The following PALM2AKAP2 variants were observed in gnomAD, a reference collection of about 807,000 sequenced individuals.
PALM2AKAP2 encodes the protein PALM2 and AKAP2 fusion.
Under a neutral mutation model 71.5 loss-of-function variants are expected in PALM2AKAP2, and 37 were observed. That is an observed-to-expected ratio of 0.52 (90% CI 0.40 to 0.68). The LOEUF (loss-of-function observed/expected upper bound fraction) is 0.68, where lower values mean the gene tolerates loss of function less well. PALM2AKAP2 is among the 30% of genes least tolerant of loss of function. The pLI is 0.00. For missense variants in PALM2AKAP2, 1,224 were observed against 1,191.8 expected (o/e 1.03, Z -0.40); for synonymous variants, 468 against 478.8 (o/e 0.98, Z 0.29).
At chr9:109,732,384 G>A (rs756006807) in intron 1 of PALM2AKAP2, among the ~76,000 whole-genome samples, 18 of 152,178 alleles carry the variant, frequency 1.2e-4, no homozygotes, top group East Asian at 5.8e-4. Context: ...ACATATCCAT[G>A]ACAAGGTTCC....
At chr9:109,707,521 C>T (rs2118598689) in intron 1 of PALM2AKAP2, among the ~76,000 whole-genome samples, 1 of 152,246 alleles carries the variant, frequency 6.6e-6, no homozygotes, top group African/African-American at 2.4e-5. Flanking sequence ...GTGTCCAGTG[C>T]CAGGTAGTGC....
At chr9:109,791,674 C>T (rs1212109302) in intron 1 of PALM2AKAP2, among the ~76,000 whole-genome samples, 1 of 152,154 alleles carries the variant, frequency 6.6e-6, no homozygotes, top group Non-Finnish European at 1.5e-5. Context: ...CTCAGATGTG[C>T]ACAGGTACCA....
intron 3 of PALM2AKAP2, among the ~76,000 whole-genome samples, chr9:109,919,735 A>ATG (rs1163749906): frequency 2.5e-4 from 36 of 143,060 alleles, no homozygotes; most frequent in Non-Finnish European, 3.7e-4. Context: ...GTGTATACAT[A>ATG]TGTGTGTGTG....
In PALM2AKAP2 at chr9:109,679,688, G is replaced by A. The variant is rs867014761; in HGVS notation, c.5+38822G>A. 1.1e-4 allele frequency among the ~76,000 whole-genome samples: 17 copies of A among 152,218 alleles called. 1 individual carries two copies. The South Asian group carries it at 3.5e-3, about 32-fold the overall frequency. The stretch of plus-strand genomic sequence containing the variant: ...GCTTAGTCTAGCCCCAGGTATGTGA[G>A]CTCAGGGGTATGAGCTCTCCATCAC... On this transcript the variant is annotated intron_variant, in intron 1 of 6. Transcript: ENST00000374531.
At chr9:109,697,669 A>G (rs1827992401) in intron 1 of PALM2AKAP2, among the ~76,000 whole-genome samples, 1 of 152,220 alleles carries the variant, frequency 6.6e-6, no homozygotes, top group African/African-American at 2.4e-5. Flanking sequence ...AGTACTCTAA[A>G]TGAAAAAGTA....
chr9:109,691,356 A>G (rs556649134), intron 1 of PALM2AKAP2, among the ~76,000 whole-genome samples: 2 of 151,978 alleles, frequency 1.3e-5, no homozygotes, highest in Non-Finnish European at 2.9e-5. Context: ...ACCTATGTTT[A>G]TTTACAACAT....
rs148266125 is a variant in PALM2AKAP2 at position 109,695,825 on chromosome 9, A to G, written c.5+54959A>G. 1.8e-3 allele frequency among the ~76,000 whole-genome samples: 272 copies of G among 152,292 alleles called. 1 individual carries two copies. Among genetic ancestry groups the G allele is most frequent in the African/African-American group, 6.4e-3 (264 of 41,572 alleles). On this transcript the variant is annotated intron_variant, in intron 1 of 6. Transcript: ENST00000374531. The stretch of plus-strand genomic sequence containing the variant: ...ACTCATATGTGGGAGCTAAAACCGT[A>G]GATCTCATGGAGGTAGAGAGTAGAA...
intron 3 of PALM2AKAP2, among the ~76,000 whole-genome samples, chr9:109,920,631 G>C (rs925722421): frequency 6.6e-6 from 1 of 151,802 alleles, no homozygotes; most frequent in African/African-American, 2.4e-5. Context: ...CGCCTGCCTC[G>C]GCCTCCCAAA....
intron 3 of PALM2AKAP2, among the ~76,000 whole-genome samples, chr9:109,910,017 A>T (rs954770509): frequency 4.6e-5 from 7 of 152,188 alleles, no homozygotes; most frequent in African/African-American, 1.7e-4. Flanking sequence ...GAGATTGGTT[A>T]GAAGGTTGTT....
chr9:110,079,821 C>T (rs182596628), intron 1 of PALM2AKAP2, among the ~76,000 whole-genome samples: 3 of 151,622 alleles, frequency 2.0e-5, no homozygotes, highest in Admixed American at 2.0e-4. Flanking sequence ...TGTAATCTCA[C>T]CACTTTGGGA....
intron 3 of PALM2AKAP2, among the ~76,000 whole-genome samples, chr9:109,922,110 G>A (rs1026657003): frequency 4.0e-5 from 6 of 151,896 alleles, no homozygotes; most frequent in African/African-American, 9.7e-5. Context: ...GCCAGTTCCC[G>A]AGAGCAGATT....
chr9:109,705,762 A>G (rs12686695), intron 1 of PALM2AKAP2, among the ~76,000 whole-genome samples: 2 of 152,206 alleles, frequency 1.3e-5, no homozygotes, highest in East Asian at 3.8e-4. Context: ...AGCCTCTGCC[A>G]CTTACTAACT....
intron 6 of PALM2AKAP2, among the ~76,000 whole-genome samples, chr9:109,973,797 C>A (rs1832117398): frequency 6.6e-6 from 1 of 152,126 alleles, no homozygotes; most frequent in African/African-American, 2.4e-5. Flanking sequence ...AACCAACTTG[C>A]CCAAGATGTA....
intron 1 of PALM2AKAP2, among the ~76,000 whole-genome samples, chr9:109,772,335 T>C (rs1484624150): frequency 6.6e-6 from 1 of 152,146 alleles, no homozygotes; most frequent in African/African-American, 2.4e-5. Context: ...AGCAGCCGCC[T>C]TTGTGTCTGT....
At chr9:109,663,021 T>C (rs1827423148) in intron 1 of PALM2AKAP2, among the ~76,000 whole-genome samples, 1 of 152,216 alleles carries the variant, frequency 6.6e-6, no homozygotes, top group Non-Finnish European at 1.5e-5. Context: ...ATATCCCCTT[T>C]ATCATTTTTT....
chr9:110,021,375 C>T (rs1027144947), intron 7 of PALM2AKAP2, among the ~76,000 whole-genome samples: 1 of 152,102 alleles, frequency 6.6e-6, no homozygotes, highest in South Asian at 2.1e-4. Context: ...TGAATTGGAA[C>T]TTTTGGCCTC....
rs530967665 is a variant in PALM2AKAP2, at chr9:109,923,488, T to C, written c.258-247T>C. On this transcript the variant is annotated intron_variant, in intron 3 of 9. Transcript: ENST00000302798. Reference sequence around the variant, plus strand: ...GTTGGCAGGGAAACATCGAAACATATTGCATAGTGGTGGCTGTGAACCAGT... The same window carrying C: ...GTTGGCAGGGAAACATCGAAACATACTGCATAGTGGTGGCTGTGAACCAGT... Among the ~76,000 whole-genome samples the C allele has an allele frequency of 2.0e-5, 3 of 152,300 alleles. No homozygotes were observed. In the South Asian group the frequency reaches 6.2e-4, roughly 32 times the overall value.
At chr9:109,927,117 G>C (rs1428796891) in intron 5 of PALM2AKAP2, among the ~76,000 whole-genome samples, 3 of 152,164 alleles carry the variant, frequency 2.0e-5, no homozygotes, top group Non-Finnish European at 2.9e-5. Flanking sequence ...GGTCTTACCT[G>C]TCACCCTGCA....
intron 1 of PALM2AKAP2, among the ~76,000 whole-genome samples, chr9:109,802,863 A>G (rs548676775): frequency 1.3e-5 from 2 of 151,952 alleles, no homozygotes; most frequent in African/African-American, 4.8e-5. Context: ...TCTCTGCCAC[A>G]TAGATTGTTC....
Sources: gnomAD v4.1 joint callset for allele counts (sites outside exome capture counted in the v4.1 genomes callset) on GRCh38, gnomAD v4.1.1 for gene constraint, MANE v1.5 for transcripts, NCBI Gene and HGNC (gene_info 2026-07-23, HGNC 2026-07-21) for gene names.